Variants in SF3B1 observed in about 807,000 individuals in gnomAD.
SF3B1 encodes the protein pre-mRNA processing 10.
A neutral mutation model predicts 153.8 loss-of-function variants in SF3B1; 12 were observed. That is an observed-to-expected ratio of 0.08 (90% CI 0.05 to 0.13). SF3B1 has a LOEUF of 0.13. Among genes scored for constraint, SF3B1 ranks in the 10% least tolerant of loss-of-function variants. The probability of loss-of-function intolerance (pLI) is 1.00; values close to 1 mark genes in which losing one functional copy is unlikely to be tolerated. For synonymous variants in SF3B1, 498 were observed against 525.2 expected, an observed-to-expected ratio of 0.95 and a Z score of 0.71; for missense variants, 513 against 1,606.1, an observed-to-expected ratio of 0.32 and a Z score of 11.63.
At chr2:197,427,966 C>T (rs1183140489) in intron 1 of SF3B1, among the ~76,000 whole-genome samples, 1 of 151,596 alleles carries the variant, frequency 6.6e-6, no homozygotes, top group Non-Finnish European at 1.5e-5. Flanking sequence ...TGCAGTGAGC[C>T]GAGATCGCAC....
chr2:197,431,242 C>G (rs1194843835), intron 1 of SF3B1, among the ~76,000 whole-genome samples: 1 of 151,650 alleles, frequency 6.6e-6, no homozygotes, highest in Non-Finnish European at 1.5e-5. Context: ...AACAGCCTCC[C>G]GAGGAGCTGG....
Position 197,400,699 on chromosome 2 carries a change from T to C in SF3B1, c.2718+16A>G. 1 of 1,530,886 alleles carries C rather than the reference T, an allele frequency of 6.5e-7. No homozygotes were observed. Among genetic ancestry groups the C allele is most frequent in the Non-Finnish European group, 9.0e-7 (1 of 1,108,254 alleles). 94.8% of individuals were successfully genotyped at this position (1,530,886 alleles called of 1,614,324 possible). ...TATTAAAGTTAGTAGCAATGTGCCATAATAGTTTTCATTACCTCTGTAGTC... is the reference window on the plus strand; with the variant it reads ...TATTAAAGTTAGTAGCAATGTGCCACAATAGTTTTCATTACCTCTGTAGTC... On this transcript the variant is annotated intron_variant, in intron 18 of 24. Transcript: ENST00000335508. This position sits in a 1 kb window ranked among gnomAD's most constrained non-coding sequence, Gnocchi z 5.0.
At chr2:197,399,789 A>G (rs1431565723) in intron 20 of SF3B1, among the ~76,000 whole-genome samples, 1 of 152,182 alleles carries the variant, frequency 6.6e-6, no homozygotes, top group African/African-American at 2.4e-5. Flanking sequence ...CCTGTATTCC[A>G]TGACTTCAAA....
chr2:197,399,934 A>C, intron 20 of SF3B1, 121 bp downstream of exon 20: 1 of 668,674 alleles, frequency 1.5e-6, no homozygotes, highest in Non-Finnish European at 2.6e-6. Context: ...TACAATCTTG[A>C]AGTGCTTTTA....
chr2:197,430,807 T>C (rs2085417119), intron 1 of SF3B1, among the ~76,000 whole-genome samples: 1 of 152,178 alleles, frequency 6.6e-6, no homozygotes, highest in Non-Finnish European at 1.5e-5. Flanking sequence ...CCTGTTGTTT[T>C]GTTTTTCTGA....
intron 23 of SF3B1, among the ~76,000 whole-genome samples, chr2:197,394,253 T>G (rs1335275938): frequency 6.6e-6 from 1 of 152,174 alleles, no homozygotes; most frequent in East Asian, 1.9e-4. Context: ...CTCGCTATGT[T>G]GCCCAAGCTG....
intron 22 of SF3B1, 35 bp downstream of exon 22, chr2:197,397,945 ATAAAG>A (rs762875353): frequency 4.9e-5 from 74 of 1,499,728 alleles, no homozygotes; most frequent in Non-Finnish European, 6.2e-5. Flanking sequence ...TGCATTTATT[ATAAAG>A]TAATTTTTTT....
rs751031989 is a variant in SF3B1, at chr2:197,421,162, A to C, written c.196-29T>G. The C allele has an allele frequency of 4.2e-6, 6 of 1,427,124 alleles. No homozygotes were observed. In the African/African-American group the frequency reaches 7.1e-5, roughly 17 times the overall value. 88.4% of individuals were successfully genotyped at this position (1,427,124 alleles called of 1,614,324 possible). On this transcript the variant is annotated intron_variant, in intron 2 of 24. Transcript: ENST00000335508. ...CAATGAAAACCCCCCAAAAAGCCAT[A>C]AACAAAATGTTAGAACTTAAAAATT...
rs370698394 is a variant in SF3B1, at chr2:197,400,221, G to A, written c.2901+31C>T. 31 of 1,610,768 alleles carry A rather than the reference G, an allele frequency of 1.9e-5. No homozygotes were observed. Among genetic ancestry groups the A allele is most frequent in the Admixed American group, 6.7e-5 (4 of 59,914 alleles). On this transcript the variant is annotated intron_variant, in intron 19 of 24. Transcript: ENST00000335508. The surrounding 1 kb of genome is among the most constrained non-coding windows in gnomAD (Gnocchi z 5.0). ...TACTATTTACATTAAACTATTTGGG[G>A]AAGAAGTAAGAATTTGATGCAAAAG...
intron 1 of SF3B1, 143 bp downstream of exon 1, chr2:197,434,829 G>C: frequency 1.2e-6 from 1 of 821,454 alleles, no homozygotes; most frequent in Admixed American, 2.5e-5. Context: ...CTGCGCCGCT[G>C]GCGCGGAGGA....
rs571181096 is a variant in SF3B1 at position 197,427,504 on chromosome 2, G to A, written c.29-3530C>T. On this transcript the variant is annotated intron_variant, in intron 1 of 24. Transcript: ENST00000335508. ...ACTCAGAAATTTCTTAATAAACTAT[G>A]TGCTAAAATACCAAATATAACATAC... Among the ~76,000 whole-genome samples, 6 of 152,234 alleles carry A rather than the reference G, an allele frequency of 3.9e-5. No homozygotes were observed. The South Asian group carries it at 8.3e-4, about 21-fold the overall frequency.
intron 6 of SF3B1, among the ~76,000 whole-genome samples, chr2:197,413,661 T>A (rs775946367): frequency 4.6e-5 from 7 of 152,152 alleles, no homozygotes; most frequent in Non-Finnish European, 1.0e-4. Context: ...ACTAGGATGG[T>A]AGAGGCAGAG....
At chr2:197,416,133 T>TA (rs200550226) in intron 6 of SF3B1, among the ~76,000 whole-genome samples, 99 of 139,570 alleles carry the variant, frequency 7.1e-4, no homozygotes, top group East Asian at 2.0e-3. Context: ...AACAAATGTT[T>TA]AAAAAAAAAA....
intron 4 of SF3B1, 40 bp from the exon 5 acceptor site, chr2:197,418,628 A>C: frequency 6.3e-7 from 1 of 1,591,676 alleles, no homozygotes; most frequent in Non-Finnish European, 8.6e-7. Flanking sequence ...AGTACAATAA[A>C]TAAAAAATAA....
chr2:197,409,736 T>C, intron 7 of SF3B1, 34 bp downstream of exon 7: 1 of 1,498,832 alleles, frequency 6.7e-7, no homozygotes, highest in South Asian at 1.1e-5. Flanking sequence ...TCACTCAACA[T>C]TTCACCCACA....
At chr2:197,431,295 CT>C (rs2085432316) in intron 1 of SF3B1, among the ~76,000 whole-genome samples, 1 of 151,474 alleles carries the variant, frequency 6.6e-6, no homozygotes, top group South Asian at 2.1e-4. Context: ...TTTTTTTGTA[CT>C]TTTAGTAGAG....
At chr2:197,408,804 TC>T (rs2085026985) in intron 7 of SF3B1, 1 of 514,858 alleles carries the variant, frequency 1.9e-6, no homozygotes, top group Non-Finnish European at 3.5e-6. Flanking sequence ...GCGCTTGTAA[TC>T]CCAGCTACTC....
Position 197,401,957 on chromosome 2 carries a change from T to C in SF3B1, c.2223+28A>G. 2 of 1,604,974 alleles carry C rather than the reference T, an allele frequency of 1.2e-6. No individual in the cohort carries two copies. The highest frequency in any genetic ancestry group is 1.7e-6 in the Non-Finnish European group (2 of 1,177,650). ...TATGTCGCCTTAACTTTAATGAAGA[T>C]AAATCAAAAGGTAATTGGTGGATTT... On this transcript the variant is annotated intron_variant, in intron 15 of 24. Coordinates refer to ENST00000335508, the MANE Select transcript of SF3B1 (RefSeq NM_012433.4). The surrounding 1 kb of genome is among the most constrained non-coding windows in gnomAD (Gnocchi z 4.2).
rs780158788 is a variant in SF3B1 at position 197,410,018 on chromosome 2, C to CA, written c.667-12dup. 1.0e-4 allele frequency: 162 copies of CA among 1,561,476 alleles called. No individual in the cohort carries two copies. The highest frequency in any genetic ancestry group is 1.3e-4 in the Non-Finnish European group (144 of 1,150,628). On this transcript the variant is annotated splice_polypyrimidine_tract_variant and intron_variant, in intron 6 of 24. Transcript: ENST00000335508. ...AGTATGCCCAGGGGTCTTAAAAAAG[C>CA]AAAAAAATTTTATTTCACACACCCA...
Sources: allele counts gnomAD v4.1 joint callset (sites outside exome capture counted in the v4.1 genomes callset), GRCh38; gene constraint gnomAD v4.1.1; non-coding constraint Gnocchi (gnomAD v3.1); transcripts MANE v1.5; gene names NCBI Gene and HGNC (gene_info 2026-07-23, HGNC 2026-07-21).